The following NRXN3 variants were observed in gnomAD, a reference collection of about 807,000 sequenced individuals.
NRXN3 encodes neurexin 3.
Under a neutral mutation model 137.6 loss-of-function variants are expected in NRXN3, and 32 were observed. That is an observed-to-expected ratio of 0.23 (90% confidence interval 0.18 to 0.31). NRXN3 has a LOEUF of 0.31. Ranked by LOEUF, NRXN3 falls within the 10% of genes least tolerant of loss-of-function variation. The pLI is 1.00. For missense variants in NRXN3, 1,574 were observed against 2,062.5 expected (o/e 0.76, Z 4.59); for synonymous variants, 798 against 784.5 (o/e 1.02, Z -0.29).
chr14:79,423,682 C>T (rs2095614695), intron 15 of NRXN3, among the ~76,000 whole-genome samples: 1 of 152,174 alleles, frequency 6.6e-6, no homozygotes, highest in African/African-American at 2.4e-5. Flanking sequence ...CATCGCCTCA[C>T]AATCAGGCCA....
intron 17 of NRXN3, among the ~76,000 whole-genome samples, chr14:79,674,864 A>G (rs1358627904): frequency 6.6e-6 from 1 of 152,068 alleles, no homozygotes; most frequent in Non-Finnish European, 1.5e-5. Flanking sequence ...CAGTGGTGAA[A>G]TCTTCATTCC....
intron 16 of NRXN3, among the ~76,000 whole-genome samples, chr14:79,596,212 GT>G (rs1253579285): frequency 9.9e-5 from 15 of 152,208 alleles, no homozygotes; most frequent in African/African-American, 3.6e-4. Flanking sequence ...TGAGCTGATA[GT>G]TGAGAAAGGT....
chr14:79,245,907 C>T (rs557536810), intron 15 of NRXN3, among the ~76,000 whole-genome samples: 4 of 152,054 alleles, frequency 2.6e-5, no homozygotes, highest in South Asian at 4.2e-4. Flanking sequence ...GGAGTACAGG[C>T]GCGTGTTTGG....
At chr14:79,153,581 G>A (rs1483094987) in intron 15 of NRXN3, among the ~76,000 whole-genome samples, 2 of 151,872 alleles carry the variant, frequency 1.3e-5, no homozygotes, top group African/African-American at 2.4e-5. Flanking sequence ...TTACTGAAAT[G>A]TTATCCTGAG....
intron 15 of NRXN3, among the ~76,000 whole-genome samples, chr14:79,338,901 C>T (rs2092436759): frequency 1.3e-5 from 2 of 152,060 alleles, no homozygotes; most frequent in Non-Finnish European, 1.5e-5. Flanking sequence ...ATTCTTATTT[C>T]GGAGTCACTG....
At chr14:79,540,544 C>T (rs908739802) in intron 16 of NRXN3, among the ~76,000 whole-genome samples, 3 of 152,194 alleles carry the variant, frequency 2.0e-5, no homozygotes, top group African/African-American at 7.2e-5. Flanking sequence ...TTAACTGTAA[C>T]TTTGTACCTG....
At chr14:78,632,091 G>T (rs578167867) in intron 4 of NRXN3, among the ~76,000 whole-genome samples, 6 of 149,580 alleles carry the variant, frequency 4.0e-5, no homozygotes, top group African/African-American at 1.5e-4. Flanking sequence ...TCCAGCCTGG[G>T]CGACAGAGCG....
chr14:78,991,756 A>G (rs1393150196), intron 15 of NRXN3, among the ~76,000 whole-genome samples: 1 of 152,120 alleles, frequency 6.6e-6, no homozygotes, highest in Non-Finnish European at 1.5e-5. Context: ...TTCTTTTATG[A>G]CCTTTGTGTT....
chr14:78,809,670 G>A (rs1293321296), intron 9 of NRXN3, among the ~76,000 whole-genome samples: 1 of 152,176 alleles, frequency 6.6e-6, no homozygotes, highest in Non-Finnish European at 1.5e-5. Flanking sequence ...TAAGGAAGAT[G>A]GCAAGTGTGC....
chr14:78,272,333 T>C (rs1322088111), intron 2 of NRXN3, among the ~76,000 whole-genome samples: 3 of 152,200 alleles, frequency 2.0e-5, no homozygotes, highest in Non-Finnish European at 4.4e-5. Flanking sequence ...ACCAGTAGGT[T>C]GGTCTGCTTT....
At position 78,523,911 on chromosome 14, in the gene NRXN3, G is replaced by C. The variant is rs777352767; in HGVS notation, c.758-121209G>C. ...TCTATGTGGGTCTGCTTCCTGAACA[G>C]CTGGTAAACAGTGGAGAAAGCCATA... On this transcript the variant is annotated intron_variant, in intron 4 of 20. Coordinates refer to ENST00000335750, the MANE Select transcript of NRXN3 (RefSeq NM_001330195.2). Among the ~76,000 whole-genome samples the C allele has an allele frequency of 1.5e-3, 230 of 150,626 alleles. 1 individual carries two copies. The highest frequency in any genetic ancestry group is 3.5e-3 in the Middle Eastern group (1 of 288).
At chr14:79,108,433 C>G (rs2052862259) in intron 15 of NRXN3, among the ~76,000 whole-genome samples, 2 of 152,028 alleles carry the variant, frequency 1.3e-5, no homozygotes, top group South Asian at 4.1e-4. Flanking sequence ...ACTTTGCTAC[C>G]TGACAAATAT....
intron 15 of NRXN3, among the ~76,000 whole-genome samples, chr14:79,121,470 A>G (rs935193728): frequency 4.6e-5 from 7 of 152,238 alleles, no homozygotes; most frequent in Admixed American, 4.6e-4. Context: ...CAACATTTTT[A>G]CTGCCATGCG....
At chr14:78,875,022 A>T (rs1346935126) in intron 10 of NRXN3, among the ~76,000 whole-genome samples, 4 of 152,194 alleles carry the variant, frequency 2.6e-5, no homozygotes, top group African/African-American at 9.7e-5. Flanking sequence ...TTCCCAAGCG[A>T]AATGAATATA....
intron 15 of NRXN3, among the ~76,000 whole-genome samples, chr14:79,194,441 C>T (rs2064860906): frequency 6.6e-6 from 1 of 152,154 alleles, no homozygotes; most frequent in South Asian, 2.1e-4. Context: ...ACTGTCTGAC[C>T]AGAAGAGCAA....
intron 6 of NRXN3, among the ~76,000 whole-genome samples, chr14:78,705,660 A>G (rs1174638843): frequency 6.6e-6 from 1 of 152,214 alleles, no homozygotes; most frequent in African/African-American, 2.4e-5. Flanking sequence ...TCTTGACAAC[A>G]GCCCTGTGAG....
intron 10 of NRXN3, among the ~76,000 whole-genome samples, chr14:78,887,057 C>T (rs1269940020): frequency 6.6e-6 from 1 of 152,118 alleles, no homozygotes; most frequent in Non-Finnish European, 1.5e-5. Flanking sequence ...ACTTACATCT[C>T]AACTGTGTTC....
chr14:78,996,568 T>TG (rs1044712624), intron 15 of NRXN3, among the ~76,000 whole-genome samples: 25 of 152,154 alleles, frequency 1.6e-4, no homozygotes, highest in Non-Finnish European at 2.8e-4. Flanking sequence ...GTTATTCTTT[T>TG]GGGGGGGATG....
chr14:78,471,291 AACACAC>A (rs553942003), intron 4 of NRXN3, among the ~76,000 whole-genome samples: 4,889 of 96,788 alleles, frequency 0.051, 175 homozygotes, highest in Admixed American at 0.2. Context: ...CAACACACTC[AACACAC>A]ACACACACAC....
Sources: allele counts gnomAD v4.1 joint callset (sites outside exome capture counted in the v4.1 genomes callset), GRCh38; gene constraint gnomAD v4.1.1; transcripts MANE v1.5; gene names NCBI Gene and HGNC (gene_info 2026-07-23, HGNC 2026-07-21).